The following PALLD variants were observed in gnomAD, a reference collection of about 807,000 sequenced individuals.
PALLD encodes palladin, cytoskeletal associated protein, also known as palladin.
In PALLD, 61 loss-of-function variants were observed where a neutral mutation model predicts 123.5. That is an observed-to-expected ratio of 0.49 (90% CI 0.40 to 0.61). PALLD has a LOEUF of 0.61. Among genes scored for constraint, PALLD ranks in the 20% least tolerant of loss-of-function variants. The pLI is 0.00. For synonymous variants in PALLD, 465 were observed against 496.4 expected, an observed-to-expected ratio of 0.94 and a Z score of 0.84; for missense variants, 1,273 against 1,377.0, an observed-to-expected ratio of 0.92 and a Z score of 1.20.
At chr4:168,668,104 A>G in intron 2 of PALLD, 86 bp from the exon 3 acceptor site, 1 of 1,047,120 alleles carries the variant, frequency 9.5e-7, no homozygotes. Flanking sequence ...TTGCATAGCA[A>G]CCAGCCTTCA....
At chr4:168,661,519 A>G (rs1485303062) in intron 2 of PALLD, among the ~76,000 whole-genome samples, 1 of 152,210 alleles carries the variant, frequency 6.6e-6, no homozygotes, top group East Asian at 1.9e-4. Flanking sequence ...TACGCTGTTT[A>G]TGGTCTTGAA....
chr4:168,878,304 C>T lies in PALLD; in HGVS notation c.1965-12618C>T. 6.5e-6 allele frequency: 10 copies of T among 1,527,086 alleles called. No homozygotes were observed. Among genetic ancestry groups the T allele is most frequent in the African/African-American group, 1.4e-5 (1 of 72,278 alleles). 94.6% of individuals were successfully genotyped at this position (1,527,086 alleles called of 1,614,324 possible). A position where few individuals can be genotyped will look rare whatever the true frequency, so the allele number is the denominator to read the frequency against. On this transcript the variant is annotated intron_variant, in intron 10 of 21. Transcript: ENST00000505667. ...GCCACCCGCTTCGGCCACAGCCAGA[C>T]GCCCGCGGCCTTCCTCAGCGCTCTG...
chr4:168,926,642 A>C lies in PALLD; in HGVS notation c.*462A>C. The C allele has an allele frequency of 2.6e-6, 1 of 381,780 alleles. No homozygotes were observed. The highest frequency in any genetic ancestry group is 4.8e-6 in the Non-Finnish European group (1 of 210,462). 23.6% of individuals were successfully genotyped at this position (381,780 alleles called of 1,614,324 possible). On this transcript the variant is annotated 3_prime_UTR_variant, in exon 22 of 22. Transcript: ENST00000505667. ...CTTTGGAATTGCTGTGATTAAAGTG[A>C]TCAAAATGCCAAAATACTAAAGGAA...
At chr4:168,544,030 A>G (rs1765901252) in intron 2 of PALLD, among the ~76,000 whole-genome samples, 3 of 152,260 alleles carry the variant, frequency 2.0e-5, no homozygotes, top group Admixed American at 2.0e-4. Flanking sequence ...TACTGCCTGA[A>G]TACTGAAAAC....
chr4:168,654,263 G>GT (rs972269713), intron 2 of PALLD, among the ~76,000 whole-genome samples: 7 of 151,798 alleles, frequency 4.6e-5, no homozygotes, highest in South Asian at 2.1e-4. Context: ...CTTTAGAGTT[G>GT]TTTTTTTTGG....
chr4:168,512,472 A>G, intron 2 of PALLD, 60 bp downstream of exon 2: 5 of 1,435,990 alleles, frequency 3.5e-6, no homozygotes, highest in Non-Finnish European at 4.9e-6. Flanking sequence ...TTACTTTAAT[A>G]TGGGAGGAAG....
intron 2 of PALLD, among the ~76,000 whole-genome samples, chr4:168,663,412 A>G (rs1189695847): frequency 1.3e-5 from 2 of 152,142 alleles, no homozygotes; most frequent in African/African-American, 4.8e-5. Flanking sequence ...GTTTTGAGTA[A>G]TTCCAGTGGG....
At chr4:168,605,676 C>T (rs1014025774) in intron 2 of PALLD, among the ~76,000 whole-genome samples, 4 of 152,198 alleles carry the variant, frequency 2.6e-5, no homozygotes, top group African/African-American at 7.2e-5. Context: ...GGTGCATCTG[C>T]GGACCAGCGG....
intron 2 of PALLD, among the ~76,000 whole-genome samples, chr4:168,636,052 C>A (rs1459611927): frequency 1.3e-5 from 2 of 152,108 alleles, no homozygotes; most frequent in Non-Finnish European, 2.9e-5. Flanking sequence ...GACATGTGAT[C>A]ATCAGAACCA....
chr4:168,875,300 C>T (rs994790369), intron 10 of PALLD, among the ~76,000 whole-genome samples: 3 of 152,034 alleles, frequency 2.0e-5, no homozygotes, highest in African/African-American at 7.2e-5. Flanking sequence ...CTTTCTGGTA[C>T]CTTTCATTCT....
intron 3 of PALLD, among the ~76,000 whole-genome samples, chr4:168,672,511 T>G (rs1028220501): frequency 6.6e-6 from 1 of 151,680 alleles, no homozygotes; most frequent in Non-Finnish European, 1.5e-5. Context: ...CAGGCTGGAG[T>G]GCAGTGGCGC....
chr4:168,653,186 T>A (rs1778220325), intron 2 of PALLD, among the ~76,000 whole-genome samples: 1 of 152,152 alleles, frequency 6.6e-6, no homozygotes, highest in Admixed American at 6.5e-5. Context: ...ATAAGAAACC[T>A]CAGGGAATTT....
chr4:168,579,867 A>G (rs2149646285), intron 2 of PALLD, among the ~76,000 whole-genome samples: 1 of 152,240 alleles, frequency 6.6e-6, no homozygotes, highest in South Asian at 2.1e-4. Context: ...TTCTCAGCTC[A>G]CATAGTTACA....
At position 168,548,083 on chromosome 4, in the gene PALLD, CAATT is replaced by C. The variant is rs1319946253; in HGVS notation, c.908+35677_908+35680del. ...AAAAAAGTCTCCTTCAGGCTCAGCACAATTAATTATCCAGCATGTGCTTCTTGAA... is the reference window on the plus strand; with the variant it reads ...AAAAAAGTCTCCTTCAGGCTCAGCACAATTATCCAGCATGTGCTTCTTGAA... On this transcript the variant is annotated intron_variant, in intron 2 of 21. Transcript: ENST00000505667. Among the ~76,000 whole-genome samples, 33 of 152,056 alleles carry C rather than the reference CAATT, an allele frequency of 2.2e-4. 1 individual carries two copies. The South Asian group carries it at 3.1e-3, about 14-fold the overall frequency.
At chr4:168,818,853 A>G (rs1429583077) in intron 10 of PALLD, among the ~76,000 whole-genome samples, 1 of 152,258 alleles carries the variant, frequency 6.6e-6, no homozygotes, top group Non-Finnish European at 1.5e-5. Context: ...GATAAATGAT[A>G]CAATAATGAC....
At chr4:168,609,131 G>C (rs4317167) in intron 2 of PALLD, among the ~76,000 whole-genome samples, 38,977 of 151,832 alleles carry the variant, frequency 0.26, 5,417 homozygotes, top group East Asian at 0.49. Context: ...CTCGGGTCAA[G>C]ATACATATTA....
At chr4:168,620,416 C>G (rs1224047599) in intron 2 of PALLD, among the ~76,000 whole-genome samples, 1 of 152,138 alleles carries the variant, frequency 6.6e-6, no homozygotes, top group Non-Finnish European at 1.5e-5. Context: ...GATCGCACCA[C>G]CGCACTGCAA....
intron 1 of PALLD, among the ~76,000 whole-genome samples, chr4:168,505,544 T>C (rs906864964): frequency 1.3e-5 from 2 of 152,250 alleles, no homozygotes; most frequent in Non-Finnish European, 2.9e-5. Flanking sequence ...TTTGATACAT[T>C]GCTTAGGATT....
chr4:168,653,562 GA>G (rs2149929693), intron 2 of PALLD, among the ~76,000 whole-genome samples: 1 of 152,332 alleles, frequency 6.6e-6, no homozygotes, highest in African/African-American at 2.4e-5. Flanking sequence ...GGCTGAGGCA[GA>G]AATCACATTA....
Sources: allele counts gnomAD v4.1 joint callset (sites outside exome capture counted in the v4.1 genomes callset), GRCh38; gene constraint gnomAD v4.1.1; transcripts MANE v1.5; gene names NCBI Gene and HGNC (gene_info 2026-07-23, HGNC 2026-07-21).